SUGCT: variants seen among roughly 807,000 people sequenced by gnomAD.
SUGCT encodes succinyl-CoA:glutarate-CoA transferase.
SUGCT carries 41 observed loss-of-function variants against 55.0 expected under a neutral mutation model. The ratio of observed to expected loss-of-function variants is 0.74; its 90% CI spans 0.58 to 0.97. The LOEUF (loss-of-function observed/expected upper bound fraction) is 0.97. Among genes scored for constraint, SUGCT ranks in the 50% least tolerant of loss-of-function variants. The probability of loss-of-function intolerance (pLI) is 0.00; values close to 1 mark genes in which losing one functional copy is unlikely to be tolerated. For synonymous variants in SUGCT, 187 were observed against 200.4 expected (o/e 0.93, Z 0.56); for missense variants, 568 against 547.8 (o/e 1.04, Z -0.37).
chr7:40,366,322 C>T (rs563437319), intron 9 of SUGCT, among the ~76,000 whole-genome samples: 1 of 152,280 alleles, frequency 6.6e-6, no homozygotes, highest in Non-Finnish European at 1.5e-5. Context: ...TAGAAGAAAA[C>T]CTAGGCATTA....
At chr7:40,630,358 T>C (rs1424635414) in intron 12 of SUGCT, among the ~76,000 whole-genome samples, 1 of 152,166 alleles carries the variant, frequency 6.6e-6, no homozygotes, top group Non-Finnish European at 1.5e-5. Context: ...ATCCATGGCT[T>C]GATTAGTTGA....
the SUGCT span, among the ~76,000 whole-genome samples, chr7:41,033,007 C>T: frequency 1.3e-5 from 2 of 152,158 alleles, no homozygotes; most frequent in African/African-American, 2.4e-5. Flanking sequence ...TGTGATCCAC[C>T]CACCTTGGCC....
chr7:40,541,753 G>A (rs1294516157), intron 12 of SUGCT, among the ~76,000 whole-genome samples: 1 of 152,188 alleles, frequency 6.6e-6, no homozygotes, highest in Non-Finnish European at 1.5e-5. Context: ...AAATATAACA[G>A]AGGGACTATT....
intron 13 of SUGCT, among the ~76,000 whole-genome samples, chr7:40,787,720 C>T (rs186906400): frequency 2.2e-4 from 29 of 129,036 alleles, no homozygotes; most frequent in Admixed American, 6.6e-4. Flanking sequence ...AGCCAAAGAA[C>T]CAGGAAAGGG....
chr7:40,324,252 A>AATAAATATATATATATATAT (rs1554311559), intron 9 of SUGCT, among the ~76,000 whole-genome samples: 8 of 117,648 alleles, frequency 6.8e-5, no homozygotes, highest in African/African-American at 2.5e-4. Context: ...TAAATAAATA[A>AATAAATATATATATATATAT]ATATATATAT....
At chr7:40,522,268 C>T (rs982372936) in intron 12 of SUGCT, among the ~76,000 whole-genome samples, 2 of 152,098 alleles carry the variant, frequency 1.3e-5, no homozygotes, top group Non-Finnish European at 2.9e-5. Flanking sequence ...TCAAAATGTA[C>T]TGTCTCAGAG....
chr7:40,508,032 G>T (rs906707762), intron 12 of SUGCT, among the ~76,000 whole-genome samples: 3 of 152,084 alleles, frequency 2.0e-5, no homozygotes, highest in Non-Finnish European at 4.4e-5. Flanking sequence ...TCTCTTCCAC[G>T]TAAGGATAGC....
chr7:40,562,349 A>G (rs958092647), intron 12 of SUGCT, among the ~76,000 whole-genome samples: 1 of 150,992 alleles, frequency 6.6e-6, no homozygotes, highest in Admixed American at 6.6e-5. Flanking sequence ...AAAATGCAGG[A>G]TGGGTCATTC....
chr7:40,706,399 C>T (rs896774866), intron 12 of SUGCT, among the ~76,000 whole-genome samples: 8 of 152,046 alleles, frequency 5.3e-5, no homozygotes, highest in African/African-American at 1.2e-4. Flanking sequence ...CCCATCTACT[C>T]GGGTGGCTAG....
chr7:40,340,079 C>T (rs921487734), intron 9 of SUGCT, among the ~76,000 whole-genome samples: 1 of 152,106 alleles, frequency 6.6e-6, no homozygotes, highest in Non-Finnish European at 1.5e-5. Flanking sequence ...AGATTATCTG[C>T]CAGAAACCAA....
intron 9 of SUGCT, among the ~76,000 whole-genome samples, chr7:40,371,816 T>C (rs1784307457): frequency 6.6e-6 from 1 of 152,064 alleles, no homozygotes; most frequent in African/African-American, 2.4e-5. Context: ...TTTCCTGATA[T>C]AGGAAGAAGA....
chr7:40,597,166 G>A (rs1400516198), intron 12 of SUGCT, among the ~76,000 whole-genome samples: 1 of 152,068 alleles, frequency 6.6e-6, no homozygotes, highest in Non-Finnish European at 1.5e-5. Flanking sequence ...ATCGGATTCT[G>A]TTTCTCCAAA....
chr7:40,875,979 G>A, the SUGCT span, among the ~76,000 whole-genome samples: 1 of 152,200 alleles, frequency 6.6e-6, no homozygotes, highest in South Asian at 2.1e-4. Flanking sequence ...AGAAGCTTTG[G>A]AATGAAATCA....
At chr7:40,395,489 C>CAAAAAAAAATA (rs1785675476) in intron 9 of SUGCT, among the ~76,000 whole-genome samples, 1 of 46,132 alleles carries the variant, frequency 2.2e-5, no homozygotes, top group Non-Finnish European at 4.4e-5. Flanking sequence ...AACTCTGTCT[C>CAAAAAAAAATA]AAAAAAAAAA....
chr7:40,387,697 A>G (rs527861812), intron 9 of SUGCT, among the ~76,000 whole-genome samples: 1 of 152,288 alleles, frequency 6.6e-6, no homozygotes, highest in African/African-American at 2.4e-5. Flanking sequence ...GATGATAATA[A>G]TACCTACTAT....
At chr7:40,537,472 A>G (rs879675092) in intron 12 of SUGCT, among the ~76,000 whole-genome samples, 1 of 152,194 alleles carries the variant, frequency 6.6e-6, no homozygotes, top group Non-Finnish European at 1.5e-5. Flanking sequence ...AATACATACC[A>G]TGCTCAATTC....
chr7:40,287,817 C>G (rs1205652946), intron 8 of SUGCT, among the ~76,000 whole-genome samples: 1 of 152,088 alleles, frequency 6.6e-6, no homozygotes, highest in African/African-American at 2.4e-5. Context: ...TACTCTTTAA[C>G]AGGTCGAGGA....
chr7:40,474,539 A>G (rs1281171282), intron 11 of SUGCT, among the ~76,000 whole-genome samples: 1 of 152,182 alleles, frequency 6.6e-6, no homozygotes, highest in African/African-American at 2.4e-5. Context: ...GAAAAGCCAC[A>G]TGCAAAGAAG....
Position 40,250,828 on chromosome 7 carries a change from C to CTTCTTTTTTTTTTT in SUGCT, c.576+13104_576+13105insCTTTTTTTTTTTTT, listed in dbSNP as rs1253390486. ...AAGATGTTGAAGTCATTTCACGCTT[C>CTTCTTTTTTTTTTT]TTTTTTTTTTTTTTTTTTTTTTTTT... On this transcript the variant is annotated intron_variant, in intron 7 of 13. Coordinates refer to ENST00000335693, the MANE Select transcript of SUGCT (RefSeq NM_001193313.2). 2.3e-4 allele frequency among the ~76,000 whole-genome samples: 28 copies of CTTCTTTTTTTTTTT among 121,258 alleles called. 1 individual carries two copies. The highest frequency in any genetic ancestry group is 1.0e-3 in the African/African-American group (28 of 27,386). 79.5% of individuals were successfully genotyped at this position (121,258 alleles called of 152,430 possible).
Sources: allele counts gnomAD v4.1 joint callset (sites outside exome capture counted in the v4.1 genomes callset), GRCh38; gene constraint gnomAD v4.1.1; transcripts MANE v1.5; gene names NCBI Gene and HGNC (gene_info 2026-07-23, HGNC 2026-07-21).